The following PCDH11X variants were observed in gnomAD, a reference collection of about 807,000 sequenced individuals.
The protein encoded by PCDH11X is protocadherin-11 X-linked.
PCDH11X carries 18 observed loss-of-function variants against 53.3 expected under a neutral mutation model. The observed-to-expected ratio is 0.34, with a 90% confidence interval of 0.23 to 0.50. The LOEUF is 0.50. Ranked by LOEUF, PCDH11X falls within the 20% of genes least tolerant of loss-of-function variation. PCDH11X has a pLI of 0.98. For synonymous variants in PCDH11X, 279 were observed against 393.3 expected, an observed-to-expected ratio of 0.71 and a Z score of 3.44; for missense variants, 570 against 1,032.4, an observed-to-expected ratio of 0.55 and a Z score of 6.14.
chrX:92,505,247 C>T (rs1245833001), intron 10 of PCDH11X, among the ~76,000 whole-genome samples: 1 of 48,584 alleles, frequency 2.1e-5, no homozygotes, highest in African/African-American at 8.6e-5. Context: ...CAATTTCTTT[C>T]GGTGTCTTCA....
rs370258957 is a variant in PCDH11X, at chrX:91,975,134, G to A, written c.3033+95861G>A. 1.8e-4 allele frequency among the ~76,000 whole-genome samples: 20 copies of A among 111,206 alleles called. 1 individual carries two copies. The South Asian group carries it at 6.9e-3, about 38-fold the overall frequency. On this transcript the variant is annotated intron_variant, in intron 6 of 10. Transcript: ENST00000682573. ...GTAATGATGCAAGCAGAGACCTACTGTAGTACTCTTCAGGAGAGAATGGTG... is the reference window on the plus strand; with the variant it reads ...GTAATGATGCAAGCAGAGACCTACTATAGTACTCTTCAGGAGAGAATGGTG...
At chrX:92,166,133 T>C (rs2065728156) in intron 6 of PCDH11X, among the ~76,000 whole-genome samples, 2 of 109,042 alleles carry the variant, frequency 1.8e-5, no homozygotes, top group African/African-American at 6.6e-5. Flanking sequence ...TGACCACTGT[T>C]TTTTATTTTT....
intron 1 of PCDH11X, among the ~76,000 whole-genome samples, chrX:91,800,154 C>T (rs1451957247): frequency 9.1e-6 from 1 of 110,141 alleles, no homozygotes; most frequent in Non-Finnish European, 1.9e-5. Context: ...TTCTCTTTTC[C>T]TTCTACTCTC....
chrX:92,575,881 G>A (rs1922763086), intron 10 of PCDH11X, among the ~76,000 whole-genome samples: 1 of 78,029 alleles, frequency 1.3e-5, no homozygotes, highest in South Asian at 8.0e-4. Flanking sequence ...TTCCTAGAAC[G>A]GAATTTTGTA....
intron 1 of PCDH11X, among the ~76,000 whole-genome samples, chrX:91,805,660 A>ATT (rs772321343): frequency 0.023 from 1,978 of 86,166 alleles, 43 homozygotes; most frequent in African/African-American, 0.086. Context: ...TACAAAAAAC[A>ATT]TTTTTTTTTT....
chrX:92,269,164 C>T (rs1048776687), intron 8 of PCDH11X, among the ~76,000 whole-genome samples: 1 of 111,457 alleles, frequency 9.0e-6, no homozygotes, highest in African/African-American at 3.3e-5. Context: ...CTCAGTCCCT[C>T]TCCATTTTAC....
chrX:92,197,852 G>T (rs57062035), intron 6 of PCDH11X, among the ~76,000 whole-genome samples: 17,370 of 111,244 alleles, frequency 0.16, 1,264 homozygotes, highest in Admixed American at 0.29. Context: ...TGATTACCCA[G>T]AAAATGATAG....
At chrX:92,415,225 G>A (rs2071782129) in intron 9 of PCDH11X, among the ~76,000 whole-genome samples, 1 of 111,291 alleles carries the variant, frequency 9.0e-6, no homozygotes, top group African/African-American at 3.3e-5. Context: ...CTTCATCAGA[G>A]GAAAGTACTC....
intron 6 of PCDH11X, among the ~76,000 whole-genome samples, chrX:92,129,377 C>T (rs1047011402): frequency 2.2e-4 from 25 of 111,447 alleles, no homozygotes; most frequent in South Asian, 3.7e-4. Flanking sequence ...GGCAACAGAG[C>T]GAGACTCCGT....
chrX:91,782,580 A>G (rs1272983679), intron 1 of PCDH11X, among the ~76,000 whole-genome samples: 1 of 108,324 alleles, frequency 9.2e-6, no homozygotes, highest in Non-Finnish European at 1.9e-5. Context: ...CTTTCCCACA[A>G]AATTGTGAGG....
chrX:92,280,054 A>G (rs757035795), intron 8 of PCDH11X, among the ~76,000 whole-genome samples: 1 of 112,437 alleles, frequency 8.9e-6, no homozygotes, highest in South Asian at 3.7e-4. Context: ...TATTCAGTAC[A>G]GAAACATGCT....
At chrX:92,223,765 C>A (rs1005792612) in intron 7 of PCDH11X, among the ~76,000 whole-genome samples, 10 of 111,635 alleles carry the variant, frequency 9.0e-5, no homozygotes, top group Non-Finnish European at 1.9e-5. Flanking sequence ...ACTGTGGATT[C>A]TATTACTTAA....
intron 6 of PCDH11X, among the ~76,000 whole-genome samples, chrX:91,933,509 A>G (rs372854225): frequency 4.5e-5 from 5 of 111,819 alleles, no homozygotes; most frequent in Admixed American, 3.8e-4. Flanking sequence ...ACAGTTCTCT[A>G]TGCAAATATT....
At chrX:91,834,347 T>A (rs1243944471) in intron 4 of PCDH11X, among the ~76,000 whole-genome samples, 1 of 110,179 alleles carries the variant, frequency 9.1e-6, no homozygotes, top group African/African-American at 3.3e-5. Flanking sequence ...AGAACTGAAA[T>A]AATTTTAAAG....
rs745315069 is a variant in PCDH11X, at chrX:91,780,963, C to T, written c.-379+1279C>T. The stretch of plus-strand genomic sequence containing the variant: ...CCCTTTTGCTTCAGAATGATTTATT[C>T]CGCGTTCCTCTGCTTCACCCGCCTG... On this transcript the variant is annotated intron_variant, in intron 1 of 10. Transcript: ENST00000682573. 1.7e-3 allele frequency among the ~76,000 whole-genome samples: 190 copies of T among 111,953 alleles called. 1 individual carries two copies. The highest frequency in any genetic ancestry group is 9.3e-3 in the Middle Eastern group (2 of 214).
In PCDH11X at chrX:92,371,955, T is replaced by A. The variant is rs1471358360; in HGVS notation, c.3145-15780T>A. Among the ~76,000 whole-genome samples the A allele has an allele frequency of 2.7e-5, 3 of 111,974 alleles. No individual in the cohort carries two copies. In the East Asian group the frequency reaches 8.4e-4, roughly 31 times the overall value. ...TTATATTATGATATACAGATGATAT[T>A]TGAATTTTCTTTATAATGTAAGAAA... On this transcript the variant is annotated intron_variant, in intron 8 of 10. Coordinates refer to ENST00000682573, the MANE Select transcript of PCDH11X (RefSeq NM_032968.5).
At chrX:91,931,533 C>T (rs892355251) in intron 6 of PCDH11X, among the ~76,000 whole-genome samples, 2 of 110,846 alleles carry the variant, frequency 1.8e-5, no homozygotes, top group African/African-American at 6.5e-5. Flanking sequence ...ACAGACTGCT[C>T]TATTGAAGGG....
chrX:92,111,696 A>G (rs1167849026), intron 6 of PCDH11X, among the ~76,000 whole-genome samples: 1 of 111,116 alleles, frequency 9.0e-6, no homozygotes, highest in African/African-American at 3.3e-5. Context: ...CCCAAGTCAC[A>G]TAGTTAGTGA....
In PCDH11X at chrX:92,428,985, G is replaced by A. The variant is rs1038106453; in HGVS notation, c.3344-39314G>A. Among the ~76,000 whole-genome samples the A allele has an allele frequency of 7.2e-5, 8 of 111,252 alleles. 1 individual carries two copies. The highest frequency in any genetic ancestry group is 2.6e-4 in the African/African-American group (8 of 30,691). On this transcript the variant is annotated intron_variant, in intron 9 of 10. Transcript: ENST00000682573. ...TGTACCAGATGTGATGCCTCAATGT[G>A]ACCAAATCCATTCTAGATGCCTCAA...
Sources: gnomAD v4.1 joint callset for allele counts (sites outside exome capture counted in the v4.1 genomes callset) on GRCh38, gnomAD v4.1.1 for gene constraint, MANE v1.5 for transcripts, NCBI Gene and HGNC (gene_info 2026-07-23, HGNC 2026-07-21) for gene names.